Variants in HDGFL2 observed in about 807,000 individuals in gnomAD.
HDGFL2 encodes the protein hepatoma-derived growth factor-related protein 2.
In HDGFL2, 36 loss-of-function variants were observed where a neutral mutation model predicts 77.1. The observed-to-expected ratio is 0.47, with a 90% CI of 0.36 to 0.62. The LOEUF (loss-of-function observed/expected upper bound fraction) is 0.62. Among genes scored for constraint, HDGFL2 ranks in the 20% least tolerant of loss-of-function variants. The probability of loss-of-function intolerance (pLI) is 0.00; values close to 1 mark genes in which losing one functional copy is unlikely to be tolerated. For synonymous variants in HDGFL2, 463 were observed against 413.1 expected, an observed-to-expected ratio of 1.12 and a Z score of -1.46; for missense variants, 976 against 973.4, an observed-to-expected ratio of 1.00 and a Z score of -0.04.
intron 12 of HDGFL2, 45 bp downstream of exon 12, chr19:4,498,421 C>T: frequency 6.8e-7 from 1 of 1,466,922 alleles, no homozygotes; most frequent in Middle Eastern, 1.7e-4. Flanking sequence ...CCGCTGCCAC[C>T]TCCCTGCCAG....
Position 4,499,941 on chromosome 19 carries a change from C to T in HDGFL2, c.1789+237C>T, listed in dbSNP as rs557656006. 2.3e-4 allele frequency among the ~76,000 whole-genome samples: 35 copies of T among 152,314 alleles called. 1 individual carries two copies. The highest frequency in any genetic ancestry group is 3.4e-3 in the Middle Eastern group (1 of 294). On this transcript the variant is annotated intron_variant, in intron 14 of 15. Transcript: ENST00000616600. ...CAGCATGCAGGTAACTTGGGGCTCACGCCAGAGGGGTGACGGGGACAGTGC... is the reference window on the plus strand; with the variant it reads ...CAGCATGCAGGTAACTTGGGGCTCATGCCAGAGGGGTGACGGGGACAGTGC...
chr19:4,483,502 T>G (rs1975276357), intron 3 of HDGFL2, among the ~76,000 whole-genome samples: 1 of 152,188 alleles, frequency 6.6e-6, no homozygotes, highest in Non-Finnish European at 1.5e-5. Context: ...TGTCCGGGCA[T>G]TTCTACTCAG....
At chr19:4,498,518 G>C in intron 12 of HDGFL2, 142 bp downstream of exon 12, 3 of 694,062 alleles carry the variant, frequency 4.3e-6, no homozygotes, top group Non-Finnish European at 7.5e-6. Context: ...GCTAGTGAGC[G>C]CATGGGGTCT....
chr19:4,493,130 G>A (rs946323883), intron 6 of HDGFL2, among the ~76,000 whole-genome samples: 1 of 142,096 alleles, frequency 7.0e-6, no homozygotes, highest in East Asian at 2.1e-4. Flanking sequence ...TGTGTGGTGT[G>A]TGTGTTATCT....
intron 2 of HDGFL2, 46 bp from the exon 3 acceptor site, chr19:4,475,399 G>C: frequency 1.2e-6 from 2 of 1,614,032 alleles, no homozygotes; most frequent in Non-Finnish European, 1.7e-6. Flanking sequence ...GTGCCTCCCG[G>C]GGTGGCCTCA....
At chr19:4,486,810 T>G (rs943704391) in intron 3 of HDGFL2, among the ~76,000 whole-genome samples, 2 of 152,140 alleles carry the variant, frequency 1.3e-5, no homozygotes, top group African/African-American at 4.8e-5. Flanking sequence ...TATGTCAGCT[T>G]CTTCTGGTTC....
At chr19:4,494,738 G>A (rs1207230438) in intron 9 of HDGFL2, among the ~76,000 whole-genome samples, 3 of 152,072 alleles carry the variant, frequency 2.0e-5, no homozygotes, top group Non-Finnish European at 4.4e-5. Context: ...GCAAGATAGA[G>A]AGACCCTGTC....
In HDGFL2 at chr19:4,475,192, T is replaced by C. The variant is rs1599696089; in HGVS notation, c.73-83T>C. 3.0e-5 allele frequency: 37 copies of C among 1,225,946 alleles called. No individual in the cohort carries two copies. The East Asian group carries it at 8.9e-4, about 29-fold the overall frequency. 75.9% of individuals were successfully genotyped at this position (1,225,946 alleles called of 1,614,324 possible). The stretch of plus-strand genomic sequence containing the variant: ...AAGGCTCCCCTCCTCCCAGCGTGAT[T>C]TGCCCCAAGTAACTTGGCTGATTTC... On this transcript the variant is annotated intron_variant, in intron 1 of 15. Coordinates refer to ENST00000616600, the MANE Select transcript of HDGFL2 (RefSeq NM_001001520.3).
intron 10 of HDGFL2, chr19:4,497,165 G>T (rs1242510182): frequency 4.4e-6 from 2 of 450,854 alleles, no homozygotes; most frequent in East Asian, 1.4e-4. Flanking sequence ...GAGCCACCGT[G>T]CCTGGCTGCA....
chr19:4,481,926 A>G (rs1052903632), intron 3 of HDGFL2, among the ~76,000 whole-genome samples: 8 of 151,172 alleles, frequency 5.3e-5, no homozygotes, highest in Admixed American at 4.0e-4. Flanking sequence ...CCCTTTTCCA[A>G]TTTAGTCACA....
At chr19:4,479,007 T>C (rs12985459) in intron 3 of HDGFL2, among the ~76,000 whole-genome samples, 1 of 150,946 alleles carries the variant, frequency 6.6e-6, no homozygotes. Context: ...TTCCATTGAG[T>C]AGATGAGCAG....
At chr19:4,476,273 A>G (rs11085076) in intron 3 of HDGFL2, among the ~76,000 whole-genome samples, 86,154 of 145,134 alleles carry the variant, frequency 0.59, 26,389 homozygotes, top group African/African-American at 0.74. Context: ...AGCTCACTGC[A>G]ACCTCTGCCT....
In HDGFL2 at chr19:4,488,721, G is replaced by A. The variant is rs147061912; in HGVS notation, c.334G>A (p.Asp112Asn). The change falls in exon 4 of 16, where the codon GAC becomes AAC. Residue 112 changes from aspartate to asparagine, a missense_variant. Around this residue, in one of 5 missense-constraint regions of HDGFL2, gnomAD observed 103 missense variants for 145.7 expected, o/e 0.71. Coordinates refer to ENST00000616600, the MANE Select transcript of HDGFL2 (RefSeq NM_001001520.3). ...CGAGGCCCCCGAGGCCAACCCCGCC[G>A]ACGGCAGTGACGCTGACGAGGACGA... ...DSEAPEANPADGSDADEDDED... is the reference protein window; with the variant it reads ...DSEAPEANPANGSDADEDDED... 2,083 of 1,553,292 alleles carry A rather than the reference G, an allele frequency of 1.3e-3. 29 individuals carry two copies. In the African/African-American group the frequency reaches 0.025, roughly 19 times the overall value.
In HDGFL2 at chr19:4,475,267, C is replaced by T. The variant is rs778560022; in HGVS notation, c.73-8C>T. The T allele has an allele frequency of 9.9e-6, 16 of 1,613,674 alleles. No individual in the cohort carries two copies. The highest frequency in any genetic ancestry group is 1.4e-5 in the Non-Finnish European group (16 of 1,179,756). ...TAAAGCCACCCCCTCACTGGCCTCT[C>T]ACTGCAGATCGACGACATCGCGGAT... is the stretch of plus-strand genomic sequence containing the variant. On this transcript the variant is annotated splice_region_variant and splice_polypyrimidine_tract_variant and intron_variant, in intron 1 of 15. Transcript: ENST00000616600.
At chr19:4,501,754 G>A (rs1975894950) in intron 15 of HDGFL2, 157 bp from the exon 16 acceptor site, 2 of 569,546 alleles carry the variant, frequency 3.5e-6, no homozygotes, top group South Asian at 5.3e-5. Flanking sequence ...GATGGTTGTG[G>A]TCTCTAGTGG....
chr19:4,483,960 T>C (rs778029142), intron 3 of HDGFL2, among the ~76,000 whole-genome samples: 8 of 150,000 alleles, frequency 5.3e-5, no homozygotes, highest in Admixed American at 6.7e-5. Flanking sequence ...CAGCTAATTC[T>C]TTGTATTTTT....
chr19:4,482,088 A>G (rs1485124011), intron 3 of HDGFL2, among the ~76,000 whole-genome samples: 2 of 122,802 alleles, frequency 1.6e-5, no homozygotes, highest in Non-Finnish European at 3.1e-5. Context: ...GCTGGAGTGC[A>G]GTGGCGCGAT....
chr19:4,498,666 CAACTG>C, intron 12 of HDGFL2, 143 bp from the exon 13 acceptor site: 1 of 631,840 alleles, frequency 1.6e-6, no homozygotes, highest in Non-Finnish European at 2.8e-6. Flanking sequence ...AGTTCCCCGT[CAACTG>C]GACGGGGGCT....
Position 4,491,789 on chromosome 19 carries a change from C to G in HDGFL2, c.632C>G (p.Ala211Gly). 2 of 1,613,962 alleles carry G rather than the reference C, an allele frequency of 1.2e-6. No individual in the cohort carries two copies. Among genetic ancestry groups the G allele is most frequent in the Non-Finnish European group, 1.7e-6 (2 of 1,179,990 alleles). ...DQDFTPEKKA[A>G]VRAPRRGPLG... The stretch of plus-strand genomic sequence containing the variant: ...GACTTCACACCTGAGAAGAAAGCAG[C>G]GGTCCGGGCGCCACGGAGGGGCCCT... Residue 211 changes from alanine (A) to glycine (G), a missense_variant, in exon 6 of 16, where the codon GCG becomes GGG. Physicochemically the swap from Ala to Gly is moderately conservative, Grantham distance 60. Coordinates refer to ENST00000616600, the MANE Select transcript of HDGFL2 (RefSeq NM_001001520.3).
Sources: gnomAD v4.1 joint callset for allele counts (sites outside exome capture counted in the v4.1 genomes callset) on GRCh38, gnomAD v4.1.1 for gene constraint, gnomAD v4.1.1 regional missense constraint, MANE v1.5 for transcripts, NCBI Gene and HGNC (gene_info 2026-07-23, HGNC 2026-07-21) for gene names.